Variants in MTR observed in about 807,000 individuals in gnomAD.
MTR encodes 5-methyltetrahydrofolate-homocysteine methyltransferase.
In MTR, 84 loss-of-function variants were observed where a neutral mutation model predicts 154.8. The observed-to-expected ratio is 0.54, with a 90% CI of 0.45 to 0.65. The LOEUF (loss-of-function observed/expected upper bound fraction) is 0.65. Ranked by LOEUF, MTR falls within the 30% of genes least tolerant of loss-of-function variation. The pLI is 0.00. For missense variants in MTR, 1,275 were observed against 1,570.2 expected, an observed-to-expected ratio of 0.81 and a Z score of 3.18; for synonymous variants, 554 against 553.9, an observed-to-expected ratio of 1.00 and a Z score of 0.00.
chr1:236,874,585 A>G (rs1028205116), intron 23 of MTR, 141 bp from the exon 24 acceptor site: 30 of 643,002 alleles, frequency 4.7e-5, no homozygotes, highest in Middle Eastern at 9.2e-4. Context: ...AAAAAAAAAA[A>G]GAATTAGGAA....
intron 29 of MTR, among the ~76,000 whole-genome samples, chr1:236,893,935 G>A (rs557077499): frequency 3.5e-4 from 54 of 152,222 alleles, no homozygotes; most frequent in African/African-American, 1.2e-3. Flanking sequence ...GAGTGGAGGC[G>A]CTTCCATTTA....
intron 24 of MTR, among the ~76,000 whole-genome samples, chr1:236,878,241 A>C (rs1320186196): frequency 1.3e-5 from 2 of 152,178 alleles, no homozygotes; most frequent in Non-Finnish European, 2.9e-5. Flanking sequence ...CCAAATAAGT[A>C]AGTCATCTCC....
intron 25 of MTR, among the ~76,000 whole-genome samples, chr1:236,882,104 A>G (rs1665768986): frequency 6.6e-6 from 1 of 152,254 alleles, no homozygotes; most frequent in South Asian, 2.1e-4. Flanking sequence ...TGATGTAGAC[A>G]AATATGCAAA....
intron 6 of MTR, 105 bp from the exon 7 acceptor site, chr1:236,815,499 C>A (rs1661535803): frequency 2.7e-6 from 3 of 1,108,012 alleles, no homozygotes; most frequent in Admixed American, 3.4e-5. Flanking sequence ...TGATGTATAT[C>A]TTATCTGAAG....
Position 236,795,581 on chromosome 1 carries a change from A to G in MTR, c.-123A>G, listed in dbSNP as rs1175861029. ...CGACGCGAGCCAACGGGAGGCGTCA[A>G]AAGACCCGGGCCTTGTGTGGCAGGC... On this transcript the variant is annotated 5_prime_UTR_variant, in exon 1 of 33. Transcript: ENST00000366577. The G allele has an allele frequency of 2.0e-5, 31 of 1,582,970 alleles. No individual in the cohort carries two copies. The highest frequency in any genetic ancestry group is 4.6e-5 in the East Asian group (2 of 43,406).
chr1:236,828,496 G>GGGGA (rs1458249279), intron 11 of MTR, among the ~76,000 whole-genome samples: 2 of 152,012 alleles, frequency 1.3e-5, no homozygotes, highest in African/African-American at 4.8e-5. Context: ...ATTCTAATTT[G>GGGGA]GGGACAGTAG....
At chr1:236,852,161 T>A (rs965794634) in intron 16 of MTR, among the ~76,000 whole-genome samples, 3 of 152,162 alleles carry the variant, frequency 2.0e-5, no homozygotes, top group African/African-American at 7.2e-5. Context: ...GTCGGTCAAG[T>A]TCATAGTGAA....
At chr1:236,840,653 G>C (rs1663176081) in intron 15 of MTR, among the ~76,000 whole-genome samples, 1 of 152,220 alleles carries the variant, frequency 6.6e-6, no homozygotes, top group Admixed American at 6.5e-5. Flanking sequence ...CTGGTATTCT[G>C]TAACTCTTTT....
intron 18 of MTR, among the ~76,000 whole-genome samples, chr1:236,856,453 CTTCTTCT>C (rs368657166): frequency 1.6e-4 from 23 of 148,166 alleles, no homozygotes; most frequent in South Asian, 4.4e-4. Context: ...TCCTCCTCTC[CTTCTTCT>C]TTCTTCTTTC....
Position 236,897,306 on chromosome 1 carries a change from A to ACATG in MTR, c.3711+190_3711+191insTGCA, listed in dbSNP as rs1220455284. 1.4e-4 allele frequency among the ~76,000 whole-genome samples: 18 copies of ACATG among 128,672 alleles called. 1 individual carries two copies. The highest frequency in any genetic ancestry group is 2.5e-4 in the South Asian group (1 of 3,960). The allele number at this position is 128,672 out of a possible 152,430, so 84.4% of individuals were successfully genotyped here. Reference sequence around the variant, plus strand: ...CCTCACTTCTACATGCAAGCCACACACACGCACACACACACACACACACAC... The same window carrying ACATG: ...CCTCACTTCTACATGCAAGCCACACACATGCACGCACACACACACACACACACAC... On this transcript the variant is annotated intron_variant, in intron 32 of 32. Coordinates refer to ENST00000366577, the MANE Select transcript of MTR (RefSeq NM_000254.3).
rs752846930 is a variant in MTR at position 236,850,377 on chromosome 1, A to G, written c.1549A>G (p.Thr517Ala). 1 of 1,613,684 alleles carries G rather than the reference A, an allele frequency of 6.2e-7. No individual in the cohort carries two copies. Among genetic ancestry groups the G allele is most frequent in the African/African-American group, 1.3e-5 (1 of 74,840 alleles). The change falls in exon 16 of 33, where the codon ACC becomes GCC. Residue 517 changes from threonine to alanine, a missense_variant. By Grantham distance (58) the Thr-to-Ala change is moderately conservative. Transcript: ENST00000366577. ...AACAGACACAAAAATCAGAGTGTGC[A>G]CCCGGGCCTACCATCTGCTTGTGAA... is the stretch of plus-strand genomic sequence containing the variant. ...TETDTKIRVC[T>A]RAYHLLVKKL... is the part of the protein sequence containing the mutation.
rs1665684824 is a variant in MTR at position 236,880,738 on chromosome 1, C to G, written c.2595-17C>G. The G allele has an allele frequency of 6.2e-7, 1 of 1,608,036 alleles. No individual in the cohort carries two copies. The highest frequency in any genetic ancestry group is 1.1e-5 in the South Asian group (1 of 90,958). On this transcript the variant is annotated splice_polypyrimidine_tract_variant and intron_variant, in intron 24 of 32. Transcript: ENST00000366577. ...CAGTGCTGATGGATATATTTTCTTT[C>G]TGACCCTTCTTTTTAGAACCCACAC...
At chr1:236,833,926 C>G (rs1334818446) in intron 13 of MTR, among the ~76,000 whole-genome samples, 1 of 152,142 alleles carries the variant, frequency 6.6e-6, no homozygotes, top group Non-Finnish European at 1.5e-5. Context: ...GCTGAAGATG[C>G]TCCCTCTCAG....
chr1:236,864,194 A>G (rs1664707008), intron 22 of MTR, among the ~76,000 whole-genome samples: 1 of 152,206 alleles, frequency 6.6e-6, no homozygotes. Flanking sequence ...TTGTAATGAA[A>G]AGCCTGATGG....
chr1:236,892,867 T>C (rs989338188), intron 29 of MTR, among the ~76,000 whole-genome samples: 1 of 152,210 alleles, frequency 6.6e-6, no homozygotes, highest in Non-Finnish European at 1.5e-5. Context: ...GTACCATTCA[T>C]GTCCGGGCAG....
rs1016541086 is a variant in MTR, at chr1:236,902,278, C to G, written c.*4634C>G. ...CTGGAATAACCCCACCCCGGTTCCA[C>G]CCAAGTCAGGAAAGCTTCCCAACCC... On this transcript the variant is annotated 3_prime_UTR_variant, in exon 33 of 33. Transcript: ENST00000366577. 3 of 152,348 alleles carry G rather than the reference C, an allele frequency of 2.0e-5. No individual in the cohort carries two copies. The highest frequency in any genetic ancestry group is 7.2e-5 in the African/African-American group (3 of 41,422). 9.4% of individuals were successfully genotyped at this position (152,348 alleles called of 1,614,324 possible).
intron 29 of MTR, among the ~76,000 whole-genome samples, chr1:236,892,798 T>C (rs1409695649): frequency 6.6e-6 from 1 of 152,206 alleles, no homozygotes; most frequent in Non-Finnish European, 1.5e-5. Flanking sequence ...AAACCTCTGC[T>C]CTAGCCCAGT....
At chr1:236,882,881 G>T (rs768939036) in intron 25 of MTR, among the ~76,000 whole-genome samples, 1 of 152,226 alleles carries the variant, frequency 6.6e-6, no homozygotes, top group Non-Finnish European at 1.5e-5. Context: ...GATAAATCAT[G>T]TGGGTAACTG....
chr1:236,862,966 C>CT (rs949928008), intron 21 of MTR, among the ~76,000 whole-genome samples: 1 of 151,934 alleles, frequency 6.6e-6, no homozygotes, highest in African/African-American at 2.4e-5. Context: ...TGCTTTTTTT[C>CT]TTTTTTTGGG....
Sources: allele counts gnomAD v4.1 joint callset (sites outside exome capture counted in the v4.1 genomes callset), GRCh38; gene constraint gnomAD v4.1.1; transcripts MANE v1.5; gene names NCBI Gene and HGNC (gene_info 2026-07-23, HGNC 2026-07-21).